ACSM5: variants seen among roughly 807,000 people sequenced by gnomAD.
The protein encoded by ACSM5 is acyl-CoA synthetase medium chain family member 5.
In ACSM5, 56 loss-of-function variants were observed where a neutral mutation model predicts 71.6. That is an observed-to-expected ratio of 0.78 (90% CI 0.63 to 0.98). ACSM5 has a LOEUF of 0.98. ACSM5 is among the 50% of genes least tolerant of loss of function. The pLI, the probability that ACSM5 is intolerant of heterozygous loss-of-function variation, is 0.00. For missense variants in ACSM5, 723 were observed against 726.0 expected, an observed-to-expected ratio of 1.00 and a Z score of 0.05; for synonymous variants, 285 against 281.5, an observed-to-expected ratio of 1.01 and a Z score of -0.12.
intron 3 of ACSM5, 67 bp from the exon 4 acceptor site, chr16:20,419,161 A>ACCC: frequency 6.7e-7 from 1 of 1,485,902 alleles, no homozygotes; most frequent in Admixed American, 1.7e-5. Flanking sequence ...TCCTGCCTTC[A>ACCC]TCTCTTACCT....
At chr16:20,430,313 G>A (rs1436228368) in intron 8 of ACSM5, among the ~76,000 whole-genome samples, 2 of 151,624 alleles carry the variant, frequency 1.3e-5, no homozygotes, top group Non-Finnish European at 2.9e-5. Context: ...CCTCACTGCT[G>A]AAGGCATTGT....
intron 10 of ACSM5, among the ~76,000 whole-genome samples, chr16:20,435,973 T>C (rs1234101695): frequency 2.0e-5 from 3 of 151,278 alleles, no homozygotes; most frequent in African/African-American, 7.3e-5. Context: ...CTTTCTTCCT[T>C]CCTTTTTTCT....
chr16:20,426,776 G>C (rs528397331), intron 6 of ACSM5, among the ~76,000 whole-genome samples: 1 of 152,268 alleles, frequency 6.6e-6, no homozygotes, highest in African/African-American at 2.4e-5. Flanking sequence ...GGAAATTATT[G>C]TGTAATGGGT....
Position 20,440,957 on chromosome 16 carries a change from T to TA in ACSM5, c.*542dup, listed in dbSNP as rs57268389. 8.1e-3 allele frequency: 1,142 copies of TA among 141,594 alleles called. 6 individuals carry two copies. The highest frequency in any genetic ancestry group is 0.028 in the Middle Eastern group (8 of 284). The allele number at this position is 141,594 out of a possible 1,614,324, so 8.8% of individuals were successfully genotyped here. On this transcript the variant is annotated 3_prime_UTR_variant, in exon 14 of 14. Transcript: ENST00000331849. Reference sequence around the variant, plus strand: ...TAAGATGATCACACAGCATTAAAACTAAAAAAAAAAAAGAAAAAATTAACA... The same window carrying TA: ...TAAGATGATCACACAGCATTAAAACTAAAAAAAAAAAAAGAAAAAATTAACA...
chr16:20,415,001 AT>A (rs1966853850), intron 2 of ACSM5, among the ~76,000 whole-genome samples: 4 of 152,338 alleles, frequency 2.6e-5, no homozygotes, highest in Admixed American at 2.6e-4. Flanking sequence ...AGTGGCAGAA[AT>A]TTTGGCTGAA....
chr16:20,416,495 C>A (rs534598265), intron 2 of ACSM5, among the ~76,000 whole-genome samples: 10 of 152,238 alleles, frequency 6.6e-5, no homozygotes, highest in African/African-American at 2.2e-4. Context: ...GTCTTTCCAA[C>A]TAATGATGCT....
chr16:20,421,500 G>C, intron 5 of ACSM5, 99 bp downstream of exon 5: 2 of 1,193,234 alleles, frequency 1.7e-6, no homozygotes, highest in South Asian at 2.1e-5. Flanking sequence ...GGAGGTCAGA[G>C]AGCCAACAGA....
intron 6 of ACSM5, among the ~76,000 whole-genome samples, chr16:20,424,403 A>G (rs1483918746): frequency 1.3e-5 from 2 of 152,094 alleles, no homozygotes; most frequent in African/African-American, 2.4e-5. Flanking sequence ...TCAACTCCAA[A>G]TGCTACTGTC....
chr16:20,431,156 C>A (rs1470429759), intron 9 of ACSM5, 64 bp from the exon 10 acceptor site: 27 of 1,595,624 alleles, frequency 1.7e-5, no homozygotes, highest in Non-Finnish European at 2.1e-5. Context: ...GGCTGCTGGG[C>A]TGCTGGGAGA....
Position 20,419,386 on chromosome 16 carries a change from G to A in ACSM5, c.574G>A (p.Val192Met). The A allele has an allele frequency of 6.2e-7, 1 of 1,614,196 alleles. No individual in the cohort carries two copies. The highest frequency in any genetic ancestry group is 1.3e-5 in the African/African-American group (1 of 75,062). The change falls in exon 4 of 14, where the codon GTG becomes ATG. Residue 192 changes from valine to methionine, a missense_variant. Physicochemically the swap from Val to Met is conservative, Grantham distance 21 (BLOSUM62 1). Coordinates refer to ENST00000331849, the MANE Select transcript of ACSM5 (RefSeq NM_017888.3). ...ECPSLQTKLLVSDSSRPGWLN... is the reference protein window; with the variant it reads ...ECPSLQTKLLMSDSSRPGWLN... Reference sequence around the variant, plus strand: ...CCCCTCCCTCCAGACCAAGCTGCTGGTGTCAGACAGCAGTCGGCCAGGCTG... The same window carrying A: ...CCCCTCCCTCCAGACCAAGCTGCTGATGTCAGACAGCAGTCGGCCAGGCTG...
chr16:20,414,037 G>A (rs1272873211), intron 2 of ACSM5, among the ~76,000 whole-genome samples: 1 of 152,154 alleles, frequency 6.6e-6, no homozygotes. Flanking sequence ...AAACTCTGGG[G>A]AGTTGTGGGG....
At chr16:20,428,164 C>G (rs994405313) in intron 7 of ACSM5, among the ~76,000 whole-genome samples, 1 of 152,154 alleles carries the variant, frequency 6.6e-6, no homozygotes, top group African/African-American at 2.4e-5. Context: ...ATTTTAGCAC[C>G]TGAGATAGGC....
intron 7 of ACSM5, among the ~76,000 whole-genome samples, chr16:20,428,246 A>G (rs11860025): frequency 0.086 from 13,134 of 152,250 alleles, 696 homozygotes; most frequent in East Asian, 0.19. Context: ...GGCGAGAGAA[A>G]TGATTGGAAA....
chr16:20,422,301 C>T (rs76065413), intron 5 of ACSM5, among the ~76,000 whole-genome samples: 2 of 151,814 alleles, frequency 1.3e-5, no homozygotes, highest in African/African-American at 4.8e-5. Context: ...TAGTAGAGAC[C>T]GGGTTTCACC....
chr16:20,439,972 T>C, intron 13 of ACSM5, 53 bp downstream of exon 13: 1 of 1,605,506 alleles, frequency 6.2e-7, no homozygotes, highest in Non-Finnish European at 8.5e-7. Context: ...ATGGGCACGC[T>C]CTGCCTGGGC....
In ACSM5 at chr16:20,417,023, C is replaced by CAA. The variant is rs35498393; in HGVS notation, c.205-1021_205-1020dup. 7.9e-3 allele frequency among the ~76,000 whole-genome samples: 1,031 copies of CAA among 129,816 alleles called. 11 individuals are homozygous for CAA. The highest frequency in any genetic ancestry group is 0.027 in the Middle Eastern group (6 of 226). 85.2% of individuals were successfully genotyped at this position (129,816 alleles called of 152,430 possible). A position where few individuals can be genotyped will look rare whatever the true frequency, so the allele number is the denominator to read the frequency against. ...TACCACTTCATAACCAGTGGCATGG[C>CAA]AAAAAAAAAAAAAAAAGGTACAATA... On this transcript the variant is annotated intron_variant, in intron 2 of 13. Transcript: ENST00000331849.
At chr16:20,430,685 T>G (rs1967075048) in intron 8 of ACSM5, among the ~76,000 whole-genome samples, 1 of 121,544 alleles carries the variant, frequency 8.2e-6, no homozygotes, top group African/African-American at 3.2e-5. Flanking sequence ...AAATGGAGAA[T>G]GAAATAACGG....
chr16:20,417,902 G>A (rs1966860369), intron 2 of ACSM5, among the ~76,000 whole-genome samples, 157 bp from the exon 3 acceptor site: 1 of 152,182 alleles, frequency 6.6e-6, no homozygotes, highest in Non-Finnish European at 1.5e-5. Flanking sequence ...GGTATAAGGA[G>A]GGGAGCAAGC....
intron 6 of ACSM5, among the ~76,000 whole-genome samples, chr16:20,424,284 G>A (rs1966934439): frequency 6.6e-6 from 1 of 152,092 alleles, no homozygotes; most frequent in South Asian, 2.1e-4. Context: ...AGACCATTTT[G>A]TTGCTATTTC....
Sources: gnomAD v4.1 joint callset for allele counts (sites outside exome capture counted in the v4.1 genomes callset) on GRCh38, gnomAD v4.1.1 for gene constraint, MANE v1.5 for transcripts, NCBI Gene and HGNC (gene_info 2026-07-23, HGNC 2026-07-21) for gene names.